The following PCDH15 variants were observed in gnomAD, a reference collection of about 807,000 sequenced individuals.
PCDH15 encodes protocadherin-15.
A neutral mutation model predicts 178.5 loss-of-function variants in PCDH15; 129 were observed. That is an observed-to-expected ratio of 0.72 (90% CI 0.63 to 0.84). PCDH15 has a LOEUF of 0.84. PCDH15 is among the 40% of genes least tolerant of loss of function. The probability of loss-of-function intolerance (pLI) is 0.00; values close to 1 mark genes in which losing one functional copy is unlikely to be tolerated. For missense variants in PCDH15, 2,230 were observed against 2,099.9 expected (o/e 1.06, Z -1.21); for synonymous variants, 800 against 732.0 (o/e 1.09, Z -1.50).
At chr10:54,036,581 G>GAA (rs372567913) in intron 18 of PCDH15, among the ~76,000 whole-genome samples, 1 of 146,202 alleles carries the variant, frequency 6.8e-6, no homozygotes, top group African/African-American at 2.5e-5. Flanking sequence ...TACTGCTCAG[G>GAA]AAAAAAAAAA....
chr10:54,585,189 A>G (rs2091364104), intron 2 of PCDH15, among the ~76,000 whole-genome samples: 1 of 152,144 alleles, frequency 6.6e-6, no homozygotes, highest in Non-Finnish European at 1.5e-5. Context: ...TTTAGATTAA[A>G]TAAACCATCC....
At chr10:54,717,503 T>G (rs537146909) in intron 1 of PCDH15, among the ~76,000 whole-genome samples, 1 of 146,174 alleles carries the variant, frequency 6.8e-6, no homozygotes, top group African/African-American at 2.6e-5. Context: ...AAAAAACGCA[T>G]GAAAAAATGC....
At chr10:53,995,151 T>G (rs897105455) in intron 21 of PCDH15, 2 of 158,232 alleles carry the variant, frequency 1.3e-5, no homozygotes, top group African/African-American at 4.8e-5. Context: ...GAAAGATAAT[T>G]TGGGATATCT....
At chr10:54,183,066 T>A (rs2048146777) in intron 13 of PCDH15, among the ~76,000 whole-genome samples, 1 of 152,020 alleles carries the variant, frequency 6.6e-6, no homozygotes, top group African/African-American at 2.4e-5. Context: ...ACCGCAACCT[T>A]GGCCTCCCAG....
At chr10:55,208,186 GTATTTATCAA>G (rs1840457925) in intron 1 of PCDH15, among the ~76,000 whole-genome samples, 1 of 152,044 alleles carries the variant, frequency 6.6e-6, no homozygotes, top group South Asian at 2.1e-4. Context: ...CTTTGCAGAT[GTATTTATCAA>G]TATAAATGGA....
intron 1 of PCDH15, among the ~76,000 whole-genome samples, chr10:54,701,280 C>A (rs984846961): frequency 6.6e-6 from 1 of 151,968 alleles, no homozygotes; most frequent in African/African-American, 2.4e-5. Context: ...TAGCACGTGA[C>A]CTGCCTTAAA....
At chr10:55,062,949 A>G (rs1449720392) in intron 2 of PCDH15, among the ~76,000 whole-genome samples, 1 of 152,158 alleles carries the variant, frequency 6.6e-6, no homozygotes, top group Non-Finnish European at 1.5e-5. Context: ...ACTATAATAA[A>G]AGATGTATGT....
chr10:54,035,346 C>T (rs1211672595), intron 18 of PCDH15, among the ~76,000 whole-genome samples: 1 of 151,886 alleles, frequency 6.6e-6, no homozygotes, highest in Non-Finnish European at 1.5e-5. Flanking sequence ...ATTTTTCCAA[C>T]AGCGTGTGCT....
At chr10:55,601,367 G>A (rs569014692) in intron 2 of PCDH15, among the ~76,000 whole-genome samples, 1 of 152,170 alleles carries the variant, frequency 6.6e-6, no homozygotes, top group South Asian at 2.1e-4. Context: ...TGATAAAAAC[G>A]AGGTAATCAA....
intron 2 of PCDH15, among the ~76,000 whole-genome samples, chr10:55,608,396 C>G (rs1173788587): frequency 6.6e-6 from 1 of 151,354 alleles, no homozygotes; most frequent in East Asian, 2.0e-4. Context: ...TGTTCCAGGA[C>G]TCAAGAAAGA....
intron 3 of PCDH15, among the ~76,000 whole-genome samples, chr10:54,392,776 G>A (rs1298586636): frequency 2.0e-5 from 3 of 151,412 alleles, no homozygotes; most frequent in Non-Finnish European, 4.4e-5. Flanking sequence ...GTGCGTTCCT[G>A]TAGTCTCAGA....
At chr10:54,676,535 C>T (rs575573130) in intron 1 of PCDH15, among the ~76,000 whole-genome samples, 9 of 152,056 alleles carry the variant, frequency 5.9e-5, no homozygotes, top group African/African-American at 2.2e-4. Flanking sequence ...TTTTAAAAAA[C>T]AAAAACAAAA....
At chr10:55,542,160 A>G (rs1313199363) in intron 2 of PCDH15, among the ~76,000 whole-genome samples, 1 of 151,554 alleles carries the variant, frequency 6.6e-6, no homozygotes, top group African/African-American at 2.4e-5. Flanking sequence ...ATATGTCTAT[A>G]TATGTACATA....
At chr10:53,995,424 G>A (rs941186800) in intron 21 of PCDH15, 3 of 651,014 alleles carry the variant, frequency 4.6e-6, no homozygotes, top group African/African-American at 1.8e-5. Flanking sequence ...AGTACATTGT[G>A]CATTCTAGAA....
In PCDH15 at chr10:55,392,979, ATGTGTGTGTG is replaced by A. The variant is rs10546546; in HGVS notation, c.-155-226338_-155-226329del. On this transcript the variant is annotated intron_variant, in intron 2 of 5. Transcript: ENST00000613346. ...AGTATCAATCTAAGAACTAAAGTGT[ATGTGTGTGTG>A]TGTGTGTGTGTGTGTGTGTGTGTGT... is the stretch of plus-strand genomic sequence containing the variant. Among the ~76,000 whole-genome samples the A allele has an allele frequency of 3.8e-3, 544 of 144,158 alleles. 2 individuals carry two copies. Among genetic ancestry groups the A allele is most frequent in the African/African-American group, 0.011 (439 of 39,242 alleles). 94.6% of individuals were successfully genotyped at this position (144,158 alleles called of 152,430 possible).
intron 2 of PCDH15, among the ~76,000 whole-genome samples, chr10:55,504,720 ATATT>A (rs1840725650): frequency 6.6e-6 from 1 of 151,396 alleles, no homozygotes; most frequent in Non-Finnish European, 1.5e-5. Flanking sequence ...ACATCAGGTA[ATATT>A]TTCATATTAT....
chr10:54,486,878 C>T (rs1249448057), intron 3 of PCDH15, among the ~76,000 whole-genome samples: 1 of 151,924 alleles, frequency 6.6e-6, no homozygotes, highest in Admixed American at 6.6e-5. Context: ...CCAGTTTAAG[C>T]AGCCATTATA....
At chr10:53,947,467 G>T (rs2086667520) in intron 23 of PCDH15, among the ~76,000 whole-genome samples, 2 of 151,738 alleles carry the variant, frequency 1.3e-5, no homozygotes, top group Admixed American at 1.3e-4. Flanking sequence ...ACATGTTTGA[G>T]TTCAATATAT....
intron 3 of PCDH15, among the ~76,000 whole-genome samples, chr10:54,443,306 C>T (rs9415334): frequency 0.72 from 108,486 of 151,252 alleles, 40,222 homozygotes; most frequent in African/African-American, 0.82. Context: ...TCCTGTCTGA[C>T]ATATTCTTCA....
Sources: gnomAD v4.1 joint callset for allele counts (sites outside exome capture counted in the v4.1 genomes callset) on GRCh38, gnomAD v4.1.1 for gene constraint, MANE v1.5 for transcripts, NCBI Gene and HGNC (gene_info 2026-07-23, HGNC 2026-07-21) for gene names.